TSGA10IP: variants seen among roughly 807,000 people sequenced by gnomAD.
The protein encoded by TSGA10IP is testis-specific protein 10-interacting protein.
In TSGA10IP, 64 loss-of-function variants were observed where a neutral mutation model predicts 63.2. The ratio of observed to expected loss-of-function variants is 1.01; its 90% confidence interval spans 0.83 to 1.25. TSGA10IP has a LOEUF of 1.25. TSGA10IP is among the 50% of genes most tolerant of loss of function. The probability of loss-of-function intolerance (pLI) is 0.00; values close to 1 mark genes in which losing one functional copy is unlikely to be tolerated. For missense variants in TSGA10IP, 681 were observed against 710.1 expected (o/e 0.96, Z 0.47); for synonymous variants, 316 against 298.3 (o/e 1.06, Z -0.61).
intron 4 of TSGA10IP, among the ~76,000 whole-genome samples, chr11:65,951,518 T>TTTATTATTATTATTA (rs4013981): frequency 0.087 from 12,030 of 138,964 alleles, 818 homozygotes; most frequent in African/African-American, 0.18. Context: ...ATTTGCTTAT[T>TTTATTATTATTATTA]TTATTATTAT....
rs1390429313 is a variant in TSGA10IP at position 65,959,727 on chromosome 11, G to A, written c.1548-90G>A. On this transcript the variant is annotated intron_variant, in intron 7 of 7. Transcript: ENST00000532620. ...CAGGATCACACAGCAAGCCGGCACT[G>A]AAGCAGGGTTTGAAGCCACATTGTC... The A allele has an allele frequency of 1.4e-5, 20 of 1,469,130 alleles. No individual in the cohort carries two copies. The East Asian group carries it at 5.0e-4, about 37-fold the overall frequency. 91.0% of individuals were successfully genotyped at this position (1,469,130 alleles called of 1,614,324 possible).
Position 65,953,585 on chromosome 11 carries a change from G to A in TSGA10IP, c.1170G>A (p.Trp390Ter). 2 of 1,591,188 alleles carry A rather than the reference G, an allele frequency of 1.3e-6. No homozygotes were observed. Among genetic ancestry groups the A allele is most frequent in the Middle Eastern group, 1.7e-4 (1 of 5,986 alleles). ...ACCCAAGGAGCCTGCTGCAGGCCTG[G>A]GAGCGGCAGCGGCAGGAGGAGCGGC... Residue 390 changes from tryptophan to a stop codon, truncating the protein, a stop_gained, in exon 5 of 8, where the codon TGG (tryptophan) becomes TGA (stop). Coordinates refer to ENST00000532620, the Ensembl canonical transcript of TSGA10IP. LOFTEE classifies it high-confidence loss of function.
At chr11:65,947,405 C>A (rs1421063432) in exon 3 of TSGA10IP, 1 of 1,613,098 alleles carries the variant, frequency 6.2e-7, no homozygotes, top group South Asian at 1.1e-5. Flanking sequence ...AGGATCAGAG[C>A]CCCCCAGTGG....
chr11:65,953,683 C>G, exon 5 of TSGA10IP: 3 of 1,588,486 alleles, frequency 1.9e-6, no homozygotes, highest in Non-Finnish European at 2.6e-6. Context: ...GCAGCCTACG[C>G]ACCCAGAGGG....
In TSGA10IP at chr11:65,946,861, C is replaced by G; in HGVS notation, c.148-19C>G. ...AGGCTGCTCAAGCTGGCTGCTCCTC[C>G]CCTACTGTCTCTGCCCAGGGCTGCC... On this transcript the variant is annotated intron_variant, in intron 1 of 7. Transcript: ENST00000532620. 6.2e-7 allele frequency: 1 copy of G among 1,612,336 alleles called. No individual in the cohort carries two copies. The highest frequency in any genetic ancestry group is 1.1e-5 in the South Asian group (1 of 90,852).
chr11:65,951,518 T>TA (rs1555055828), intron 4 of TSGA10IP, among the ~76,000 whole-genome samples: 3 of 139,112 alleles, frequency 2.2e-5, no homozygotes, highest in Middle Eastern at 7.2e-3. Flanking sequence ...ATTTGCTTAT[T>TA]TTATTATTAT....
chr11:65,947,362 C>T (rs1273413628), exon 3 of TSGA10IP: 14 of 1,611,582 alleles, frequency 8.7e-6, no homozygotes, highest in South Asian at 4.4e-5. Flanking sequence ...GAGCCTGGGG[C>T]GGTGTCTCCA....
chr11:65,957,455 T>C (rs1855044005), intron 5 of TSGA10IP, among the ~76,000 whole-genome samples: 1 of 152,210 alleles, frequency 6.6e-6, no homozygotes. Flanking sequence ...GCAGGAAAAG[T>C]GCACACAATA....
At chr11:65,945,730 T>A in exon 1 of TSGA10IP, 2 of 1,610,666 alleles carry the variant, frequency 1.2e-6, no homozygotes, top group Non-Finnish European at 1.7e-6. Context: ...TAGGACCCCG[T>A]CGGTGCGACC....
rs553166340 is a variant in TSGA10IP, at chr11:65,955,409, C to T, written c.1322+1672C>T. Reference sequence around the variant, plus strand: ...TCACCTGAGGTCAGGATTTCGAGACCAGCCTGGCCAACGTAATGAAACCCC... The same window carrying T: ...TCACCTGAGGTCAGGATTTCGAGACTAGCCTGGCCAACGTAATGAAACCCC... On this transcript the variant is annotated intron_variant, in intron 5 of 7. Transcript: ENST00000532620. Among the ~76,000 whole-genome samples, 29 of 152,140 alleles carry T rather than the reference C, an allele frequency of 1.9e-4. No individual in the cohort carries two copies. The South Asian group carries it at 5.8e-3, about 31-fold the overall frequency.
At chr11:65,946,755 T>C in intron 1 of TSGA10IP, 125 bp from the exon 2 acceptor site, 1 of 1,108,094 alleles carries the variant, frequency 9.0e-7, no homozygotes, top group South Asian at 1.6e-5. Flanking sequence ...GTTTTTATGG[T>C]AACGAGGGCC....
chr11:65,956,380 G>A (rs1419182344), intron 5 of TSGA10IP, among the ~76,000 whole-genome samples: 2 of 151,898 alleles, frequency 1.3e-5, no homozygotes, highest in African/African-American at 2.4e-5. Context: ...CAGCTGATCC[G>A]CCCGCCTCAG....
chr11:65,947,049 T>C, intron 2 of TSGA10IP, 33 bp downstream of exon 2: 1 of 1,612,592 alleles, frequency 6.2e-7, no homozygotes, highest in Non-Finnish European at 8.5e-7. Flanking sequence ...AGGAGGCTGT[T>C]GGGGGTCAGG....
chr11:65,947,355 C>CTGCTCCATCCCTA lies in TSGA10IP; in HGVS notation c.530_531insTGCTCCATCCCTA (p.Trp178AlafsTer50). On this transcript the variant is annotated frameshift_variant, in exon 3 of 8. Transcript: ENST00000532620. LOFTEE classifies it high-confidence loss of function. ...CTGAAGGCGAGACAGCAGCTGGGAG[C>CTGCTCCATCCCTA]CTGGGGCGGTGTCTCCATCCCTACT... is the stretch of plus-strand genomic sequence containing the variant. The CTGCTCCATCCCTA allele has an allele frequency of 6.2e-7, 1 of 1,611,816 alleles. No homozygotes were observed. Among genetic ancestry groups the CTGCTCCATCCCTA allele is most frequent in the Non-Finnish European group, 8.5e-7 (1 of 1,179,110 alleles).
chr11:65,947,675 G>C, exon 3 of TSGA10IP: 2 of 1,606,734 alleles, frequency 1.2e-6, no homozygotes, highest in Non-Finnish European at 1.7e-6. Flanking sequence ...GGAAGCCTCC[G>C]ATGAGGGAGA....
At chr11:65,947,786 C>T (rs1262601820) in exon 3 of TSGA10IP, 1 of 1,579,786 alleles carries the variant, frequency 6.3e-7, no homozygotes. Context: ...GCCATGGGAC[C>T]TGGAGAAGCT....
chr11:65,959,744 C>A, intron 7 of TSGA10IP, 73 bp from the exon 8 acceptor site: 1 of 1,494,484 alleles, frequency 6.7e-7, no homozygotes. Context: ...GGTTTGAAGC[C>A]ACATTGTCAG....
intron 5 of TSGA10IP, among the ~76,000 whole-genome samples, chr11:65,956,149 T>G (rs1214075826): frequency 6.6e-6 from 1 of 151,560 alleles, no homozygotes; most frequent in Non-Finnish European, 1.5e-5. Context: ...TTTTTTTTTT[T>G]TTTTTGAGAC....
chr11:65,951,523 T>C (rs1175558393), intron 4 of TSGA10IP, among the ~76,000 whole-genome samples: 2 of 144,542 alleles, frequency 1.4e-5, no homozygotes, highest in African/African-American at 5.0e-5. Context: ...CTTATTTTAT[T>C]ATTATTATTA....
Sources: gnomAD v4.1 joint callset for allele counts (sites outside exome capture counted in the v4.1 genomes callset) on GRCh38, gnomAD v4.1.1 for gene constraint, MANE v1.5 for transcripts, NCBI Gene and HGNC (gene_info 2026-07-23, HGNC 2026-07-21) for gene names.